The following ABCG1 variants were observed in gnomAD, a reference collection of about 807,000 sequenced individuals.
ABCG1 encodes ATP-binding cassette sub-family G member 1.
In ABCG1, 29 loss-of-function variants were observed where a neutral mutation model predicts 69.2. The ratio of observed to expected loss-of-function variants is 0.42; its 90% CI spans 0.31 to 0.57. The LOEUF is 0.57. ABCG1 is among the 20% of genes least tolerant of loss of function. The pLI is 0.15. For missense variants in ABCG1, 718 were observed against 898.1 expected (o/e 0.80, Z 2.56); for synonymous variants, 370 against 374.8 (o/e 0.99, Z 0.15).
intron 2 of ABCG1, among the ~76,000 whole-genome samples, chr21:42,234,214 G>T (rs1182853370): frequency 6.6e-6 from 1 of 152,144 alleles, no homozygotes; most frequent in African/African-American, 2.4e-5. Flanking sequence ...CCGCTGGCAG[G>T]TAGGGGGCAG....
At chr21:42,226,038 T>C in intron 2 of ABCG1, 124 bp downstream of exon 2, 1 of 1,127,644 alleles carries the variant, frequency 8.9e-7, no homozygotes, top group Non-Finnish European at 1.3e-6. Flanking sequence ...ACGCCGTCAC[T>C]GCTGTGGTCA....
At chr21:42,205,004 GTGTTGTTTT>G (rs1447160284) in intron 2 of ABCG1, among the ~76,000 whole-genome samples, 1 of 150,892 alleles carries the variant, frequency 6.6e-6, no homozygotes, top group Non-Finnish European at 1.5e-5. Context: ...GGAGAATTAG[GTGTTGTTTT>G]TGTTGTTTTT....
chr21:42,205,777 T>G (rs1420458631), intron 2 of ABCG1, among the ~76,000 whole-genome samples: 2 of 152,230 alleles, frequency 1.3e-5, no homozygotes, highest in Non-Finnish European at 2.9e-5. Flanking sequence ...GAGTTTCAAT[T>G]ATCATTTTGA....
chr21:42,239,409 A>G (rs949494052), intron 2 of ABCG1, among the ~76,000 whole-genome samples: 2 of 152,252 alleles, frequency 1.3e-5, no homozygotes, highest in Non-Finnish European at 2.9e-5. Flanking sequence ...AAAGCCTTTT[A>G]GTTCTCATTC....
intron 2 of ABCG1, among the ~76,000 whole-genome samples, chr21:42,270,063 A>G (rs1242917568): frequency 6.6e-6 from 1 of 152,132 alleles, no homozygotes; most frequent in Non-Finnish European, 1.5e-5. Flanking sequence ...GATTGAGACC[A>G]TCCTGGCTAA....
At chr21:42,283,461 G>T (rs1015536259) in intron 6 of ABCG1, among the ~76,000 whole-genome samples, 1 of 152,184 alleles carries the variant, frequency 6.6e-6, no homozygotes, top group Admixed American at 6.5e-5. Context: ...GAGAAGAGAG[G>T]TCCCCCCAGG....
intron 2 of ABCG1, among the ~76,000 whole-genome samples, chr21:42,226,780 T>C (rs1242229474): frequency 6.6e-6 from 1 of 152,228 alleles, no homozygotes; most frequent in Non-Finnish European, 1.5e-5. Flanking sequence ...CAAGAAACCA[T>C]GGTCCCTAGT....
intron 2 of ABCG1, chr21:42,260,107 G>A: frequency 3.2e-6 from 5 of 1,550,654 alleles, no homozygotes; most frequent in African/African-American, 2.7e-5. Flanking sequence ...AGGGCCTATG[G>A]TTGGGGGTTT....
In ABCG1 at chr21:42,259,658, G is replaced by A. The variant is rs731663; in HGVS notation, c.287-11412G>A. The stretch of plus-strand genomic sequence containing the variant: ...AAACTGACAAGGTTGCTAGAGCCAC[G>A]TGTTTGCAAACCAGTGGGCATTCGC... On this transcript the variant is annotated intron_variant, in intron 2 of 14. Coordinates refer to ENST00000398449, the MANE Select transcript of ABCG1 (RefSeq NM_016818.3). Among the ~76,000 whole-genome samples, 379 of 152,338 alleles carry A rather than the reference G, an allele frequency of 2.5e-3. 2 individuals are homozygous for A. Among genetic ancestry groups the A allele is most frequent in the African/African-American group, 8.8e-3 (366 of 41,566 alleles).
At position 42,225,809 on chromosome 21, in the gene ABCG1, A is replaced by T. The variant is rs1331056025; in HGVS notation, c.181A>T (p.Thr61Ser). 1 of 1,613,078 alleles carries T rather than the reference A, an allele frequency of 6.2e-7. No homozygotes were observed. The highest frequency in any genetic ancestry group is 2.2e-5 in the East Asian group (1 of 44,798). Reference sequence around the variant, plus strand: ...TCTGAAAAAAGTAGATAATAACCTCACGGAAGCCCAGCGCTTCTCCTCCTT... The same window carrying T: ...TCTGAAAAAAGTAGATAATAACCTCTCGGAAGCCCAGCGCTTCTCCTCCTT... Reference protein sequence around the residue: ...GHLKKVDNNLTEAQRFSSLPR... With the variant: ...GHLKKVDNNLSEAQRFSSLPR... The change falls in exon 2 of 15, where the codon ACG becomes TCG. Residue 61 changes from threonine to serine, a missense_variant. Coordinates refer to ENST00000398449, the MANE Select transcript of ABCG1 (RefSeq NM_016818.3).
chr21:42,220,036 A>T (rs2067698213), intron 1 of ABCG1: 4 of 1,552,410 alleles, frequency 2.6e-6, no homozygotes, highest in Non-Finnish European at 1.7e-6. Flanking sequence ...TCACTGCTGG[A>T]CACAGTTACT....
Position 42,266,479 on chromosome 21 carries a change from A to T in ABCG1, c.287-4591A>T, listed in dbSNP as rs910034513. Among the ~76,000 whole-genome samples the T allele has an allele frequency of 4.6e-5, 7 of 152,232 alleles. No homozygotes were observed. The South Asian group carries it at 1.5e-3, about 32-fold the overall frequency. ...GTCTCTCCCAAGTATGCATCATCTTAGGGAACAAACCATAAAAGGGGCAGA... is the reference window on the plus strand; with the variant it reads ...GTCTCTCCCAAGTATGCATCATCTTTGGGAACAAACCATAAAAGGGGCAGA... On this transcript the variant is annotated intron_variant, in intron 2 of 14. Coordinates refer to ENST00000398449, the MANE Select transcript of ABCG1 (RefSeq NM_016818.3).
Position 42,260,224 on chromosome 21 carries a change from C to T in ABCG1, c.287-10846C>T, listed in dbSNP as rs948291914. The stretch of plus-strand genomic sequence containing the variant: ...AGAGTAGATGCTCACTTCAACCCTG[C>T]AGGTGGCATTGGGCGGCAAGCATTT... On this transcript the variant is annotated intron_variant, in intron 2 of 14. Coordinates refer to ENST00000398449, the MANE Select transcript of ABCG1 (RefSeq NM_016818.3). 4 of 1,539,196 alleles carry T rather than the reference C, an allele frequency of 2.6e-6. No individual in the cohort carries two copies. In the South Asian group the frequency reaches 4.8e-5, roughly 19 times the overall value.
rs1290051597 is a variant in ABCG1 at position 42,201,623 on chromosome 21, CCG to C, written c.-52_-51del. 1.1e-5 allele frequency: 18 copies of C among 1,575,624 alleles called. No individual in the cohort carries two copies. In the East Asian group the frequency reaches 4.1e-4, roughly 36 times the overall value. The stretch of plus-strand genomic sequence containing the variant: ...GCTTCCTGAGACCTAAGATTCAGCC[CCG>C]TGCTCAGCAGACATCAGGGATCACC... On this transcript the variant is annotated 5_prime_UTR_variant, in exon 2 of 16. Coordinates refer to the ABCG1 transcript ENST00000398457.
rs565659522 is a variant in ABCG1, at chr21:42,262,088, G to A, written c.287-8982G>A. On this transcript the variant is annotated intron_variant, in intron 2 of 14. Coordinates refer to ENST00000398449, the MANE Select transcript of ABCG1 (RefSeq NM_016818.3). ...TTATGTTCTGCAGGTAACCAGGACT[G>A]GGGGGTTAATGGTTCCCAAGGGGCT... Among the ~76,000 whole-genome samples the A allele has an allele frequency of 1.1e-4, 17 of 152,262 alleles. No homozygotes were observed. The South Asian group carries it at 2.5e-3, about 22-fold the overall frequency.
chr21:42,272,851 C>T (rs1007131706), intron 3 of ABCG1, among the ~76,000 whole-genome samples: 19 of 152,226 alleles, frequency 1.2e-4, no homozygotes, highest in African/African-American at 4.3e-4. Flanking sequence ...CCTTCCCAGG[C>T]CTGAAGTCTG....
At chr21:42,205,061 AAT>A (rs2067533068) in intron 2 of ABCG1, among the ~76,000 whole-genome samples, 2 of 146,968 alleles carry the variant, frequency 1.4e-5, no homozygotes, top group African/African-American at 5.1e-5. Flanking sequence ...CAATGTTCTT[AAT>A]AGTTATGAGA....
intron 5 of ABCG1, among the ~76,000 whole-genome samples, chr21:42,281,773 C>T (rs2068813311): frequency 6.6e-6 from 1 of 152,176 alleles, no homozygotes; most frequent in African/African-American, 2.4e-5. Context: ...CCCACGGACT[C>T]CATGCTGCTC....
chr21:42,219,161 C>A lies in ABCG1; in HGVS notation c.-102C>A. ...AGCCGGAGCCCAAGCGCAGCCCGCA[C>A]CCCGCGCAGCGGCTGAGCCGGGAGC... On this transcript the variant is annotated 5_prime_UTR_variant, in exon 1 of 15. Coordinates refer to ENST00000398449, the MANE Select transcript of ABCG1 (RefSeq NM_016818.3). The surrounding 1 kb of genome is among the most constrained non-coding windows in gnomAD (Gnocchi z 5.3). 1 of 1,094,780 alleles carries A rather than the reference C, an allele frequency of 9.1e-7. No individual in the cohort carries two copies. Among genetic ancestry groups the A allele is most frequent in the South Asian group, 4.0e-5 (1 of 24,960 alleles). 67.8% of individuals were successfully genotyped at this position (1,094,780 alleles called of 1,614,324 possible).
Sources: allele counts gnomAD v4.1 joint callset (sites outside exome capture counted in the v4.1 genomes callset), GRCh38; gene constraint gnomAD v4.1.1; non-coding constraint Gnocchi (gnomAD v3.1); transcripts MANE v1.5; gene names NCBI Gene and HGNC (gene_info 2026-07-23, HGNC 2026-07-21).